KCNH7: variants seen among roughly 807,000 people sequenced by gnomAD.
KCNH7 encodes the protein voltage-gated inwardly rectifying potassium channel KCNH7.
In KCNH7, 49 loss-of-function variants were observed where a neutral mutation model predicts 120.8. The ratio of observed to expected loss-of-function variants is 0.41; its 90% confidence interval spans 0.32 to 0.51. The LOEUF (loss-of-function observed/expected upper bound fraction) is 0.51. KCNH7 is among the 20% of genes least tolerant of loss of function. KCNH7 has a pLI of 0.38. For missense variants in KCNH7, 1,097 were observed against 1,446.6 expected, an observed-to-expected ratio of 0.76 and a Z score of 3.92; for synonymous variants, 547 against 516.1, an observed-to-expected ratio of 1.06 and a Z score of -0.81.
intron 2 of KCNH7, among the ~76,000 whole-genome samples, chr2:162,568,606 T>C (rs1693343151): frequency 6.6e-6 from 1 of 151,988 alleles, no homozygotes; most frequent in African/African-American, 2.4e-5. Context: ...GTTAAACATT[T>C]CTTGTTGAAT....
At chr2:162,379,055 T>A (rs77405540) in intron 14 of KCNH7, among the ~76,000 whole-genome samples, 3,679 of 152,314 alleles carry the variant, frequency 0.024, 135 homozygotes, top group African/African-American at 0.084. Flanking sequence ...ATGGTTTCCC[T>A]CTTCTCTCAC....
chr2:162,502,833 C>G (rs1690730124), intron 6 of KCNH7, among the ~76,000 whole-genome samples: 1 of 151,992 alleles, frequency 6.6e-6, no homozygotes, highest in Non-Finnish European at 1.5e-5. Context: ...AGGGTGGCCT[C>G]TGTGGTGGAC....
chr2:162,483,339 A>G (rs1689989628), intron 6 of KCNH7, among the ~76,000 whole-genome samples: 1 of 152,150 alleles, frequency 6.6e-6, no homozygotes, highest in Admixed American at 6.6e-5. Flanking sequence ...AACAAAATCA[A>G]GTTTCAGACT....
At chr2:162,797,894 C>T (rs1278733842) in intron 2 of KCNH7, 1 of 152,068 alleles carries the variant, frequency 6.6e-6, no homozygotes, top group Non-Finnish European at 1.5e-5. Context: ...AAGTGCATAA[C>T]ATTAAGAAAC....
chr2:162,818,627 G>A (rs1273138676), intron 2 of KCNH7, among the ~76,000 whole-genome samples: 2 of 152,056 alleles, frequency 1.3e-5, no homozygotes, highest in African/African-American at 4.8e-5. Context: ...GGTAAAGATT[G>A]CAGATCAATT....
chr2:162,446,237 G>T lies in KCNH7; in HGVS notation c.1335C>A (p.Gly445=). The T allele has an allele frequency of 6.2e-7, 1 of 1,613,700 alleles. No homozygotes were observed. Among genetic ancestry groups the T allele is most frequent in the Non-Finnish European group, 8.5e-7 (1 of 1,179,684 alleles). ...DREEQKRREC[G]YSCSPLNVVD... ...CCACATTCAAAGGGCTACAAGAATA[G>T]CCACATTCTCGTCTTTTCTGTTCTT... The change falls in exon 7 of 16, where the codon GGC becomes GGA. Residue 445 remains glycine (G), a synonymous_variant. Transcript: ENST00000332142.
chr2:162,393,737 G>A (rs923618314), intron 12 of KCNH7, among the ~76,000 whole-genome samples: 11 of 151,810 alleles, frequency 7.2e-5, no homozygotes, highest in Admixed American at 2.0e-4. Context: ...ACAATTAAAT[G>A]TACACTCACT....
chr2:162,753,029 A>AGAAAAGAAAAGAAAAG (rs1688655610), intron 2 of KCNH7, among the ~76,000 whole-genome samples: 1 of 139,770 alleles, frequency 7.2e-6, no homozygotes, highest in Non-Finnish European at 1.5e-5. Flanking sequence ...AAAAGAAAAG[A>AGAAAAGAAAAGAAAAG]AACCCTGACT....
At chr2:162,767,677 T>A (rs1313250961) in intron 2 of KCNH7, among the ~76,000 whole-genome samples, 1 of 152,126 alleles carries the variant, frequency 6.6e-6, no homozygotes, top group East Asian at 1.9e-4. Flanking sequence ...ATACTATAAC[T>A]GCATAAATAA....
At chr2:162,462,795 G>A (rs540344267) in intron 6 of KCNH7, among the ~76,000 whole-genome samples, 2 of 152,014 alleles carry the variant, frequency 1.3e-5, no homozygotes, top group East Asian at 1.9e-4. Flanking sequence ...ACTAGGTGAT[G>A]GATGTGTTAA....
At chr2:162,391,764 C>T (rs1235928820) in intron 12 of KCNH7, among the ~76,000 whole-genome samples, 1 of 151,964 alleles carries the variant, frequency 6.6e-6, no homozygotes, top group African/African-American at 2.4e-5. Context: ...TTTAATAAAT[C>T]TTCAACTATG....
At chr2:162,664,086 CT>C (rs1040085393) in intron 2 of KCNH7, among the ~76,000 whole-genome samples, 31 of 152,208 alleles carry the variant, frequency 2.0e-4, no homozygotes, top group African/African-American at 3.4e-4. Context: ...ATCTTTCCCC[CT>C]GATCTTCATT....
At position 162,423,628 on chromosome 2, in the gene KCNH7, C is replaced by G. The variant is rs1687771282; in HGVS notation, c.1955-93G>C. On this transcript the variant is annotated intron_variant, in intron 8 of 15. Coordinates refer to ENST00000332142, the MANE Select transcript of KCNH7 (RefSeq NM_033272.4). Reference sequence around the variant, plus strand: ...TCAAGCATGTGGATTTTGATTATCTCAATCTAGTGGGGATTTACCATTGGA... The same window carrying G: ...TCAAGCATGTGGATTTTGATTATCTGAATCTAGTGGGGATTTACCATTGGA... 3.5e-5 allele frequency: 39 copies of G among 1,120,896 alleles called. No homozygotes were observed. In the South Asian group the frequency reaches 5.9e-4, roughly 17 times the overall value. 69.4% of individuals were successfully genotyped at this position (1,120,896 alleles called of 1,614,324 possible).
chr2:162,440,811 C>T (rs918067944), intron 7 of KCNH7, among the ~76,000 whole-genome samples: 6 of 151,994 alleles, frequency 3.9e-5, no homozygotes, highest in African/African-American at 9.7e-5. Context: ...AATTTGAACT[C>T]ACTTTGGCTT....
chr2:162,556,714 G>A (rs568359074), intron 2 of KCNH7, among the ~76,000 whole-genome samples: 4 of 152,124 alleles, frequency 2.6e-5, no homozygotes, highest in Non-Finnish European at 5.9e-5. Context: ...AAATAGGTGA[G>A]TAAAACAATC....
chr2:162,480,661 G>A (rs886641050), intron 6 of KCNH7, among the ~76,000 whole-genome samples: 2 of 152,242 alleles, frequency 1.3e-5, no homozygotes, highest in African/African-American at 4.8e-5. Flanking sequence ...ATTATGATGG[G>A]AACTGAGGGG....
At chr2:162,606,056 ATTTAT>A (rs1234549117) in intron 2 of KCNH7, among the ~76,000 whole-genome samples, 3 of 152,062 alleles carry the variant, frequency 2.0e-5, no homozygotes, top group African/African-American at 7.2e-5. Flanking sequence ...ATATACATAT[ATTTAT>A]TTTAATTTTA....
In KCNH7 at chr2:162,504,834, C is replaced by G. The variant is rs763236084; in HGVS notation, c.914-177G>C. 8.5e-5 allele frequency among the ~76,000 whole-genome samples: 13 copies of G among 152,058 alleles called. No individual in the cohort carries two copies. In the Middle Eastern group the frequency reaches 0.01, roughly 119 times the overall value. ...GGTCACCTTGGGCCACATGGAATGG[C>G]ATGTGAGTATCTGAGAATAAGACTG... On this transcript the variant is annotated intron_variant, in intron 5 of 15. Transcript: ENST00000332142.
At chr2:162,754,914 A>G (rs1171758326) in intron 2 of KCNH7, among the ~76,000 whole-genome samples, 3 of 152,184 alleles carry the variant, frequency 2.0e-5, no homozygotes, top group Non-Finnish European at 2.9e-5. Context: ...TAAAATAAAT[A>G]TACGAATTTA....
Sources: allele counts gnomAD v4.1 joint callset (sites outside exome capture counted in the v4.1 genomes callset), GRCh38; gene constraint gnomAD v4.1.1; transcripts MANE v1.5; gene names NCBI Gene and HGNC (gene_info 2026-07-23, HGNC 2026-07-21).